Variants in CDK8 observed in about 807,000 individuals in gnomAD.
CDK8 encodes cyclin dependent kinase 8.
In CDK8, 29 loss-of-function variants were observed where a neutral mutation model predicts 71.5. The observed-to-expected ratio is 0.41, with a 90% CI of 0.30 to 0.55. The LOEUF (loss-of-function observed/expected upper bound fraction) is 0.55, where lower values mean the gene tolerates loss of function less well. Among genes scored for constraint, CDK8 ranks in the 20% least tolerant of loss-of-function variants. The pLI, the probability that CDK8 is intolerant of heterozygous loss-of-function variation, is 0.37. For synonymous variants in CDK8, 161 were observed against 192.1 expected, an observed-to-expected ratio of 0.84 and a Z score of 1.34; for missense variants, 288 against 572.6, an observed-to-expected ratio of 0.50 and a Z score of 5.07.
chr13:26,344,935 A>G (rs1873400928), intron 2 of CDK8, among the ~76,000 whole-genome samples: 2 of 152,318 alleles, frequency 1.3e-5, no homozygotes, highest in South Asian at 2.1e-4. Context: ...AAACATAGCC[A>G]GTATTAGAGG....
intron 1 of CDK8, among the ~76,000 whole-genome samples, chr13:26,283,471 G>A (rs939243924): frequency 1.3e-4 from 20 of 152,028 alleles, no homozygotes; most frequent in African/African-American, 4.8e-4. Context: ...AGCTGGGCGT[G>A]GTGGCACGTG....
chr13:26,298,699 A>G (rs1021235989), intron 1 of CDK8, among the ~76,000 whole-genome samples: 1 of 152,168 alleles, frequency 6.6e-6, no homozygotes, highest in African/African-American at 2.4e-5. Flanking sequence ...TGGCACTCAG[A>G]GAGACCTTGA....
Position 26,284,560 on chromosome 13 carries a change from A to G in CDK8, c.128+29791A>G, listed in dbSNP as rs557576889. 4.6e-5 allele frequency among the ~76,000 whole-genome samples: 7 copies of G among 152,280 alleles called. No individual in the cohort carries two copies. In the South Asian group the frequency reaches 1.4e-3, roughly 32 times the overall value. ...TCCTGGAAATATACTACCCTACTAG[A>G]TTAAATTGGAAGAAATAGAAACTCT... On this transcript the variant is annotated intron_variant, in intron 1 of 12. Transcript: ENST00000381527.
intron 1 of CDK8, among the ~76,000 whole-genome samples, chr13:26,328,427 CT>C (rs758417382): frequency 6.6e-6 from 1 of 152,158 alleles, no homozygotes; most frequent in African/African-American, 2.4e-5. Context: ...GAATATTTTC[CT>C]ATCTTTGCAA....
chr13:26,271,296 T>G (rs1163531751), intron 1 of CDK8, among the ~76,000 whole-genome samples: 1 of 152,160 alleles, frequency 6.6e-6, no homozygotes, highest in Non-Finnish European at 1.5e-5. Flanking sequence ...TTAGGCAAGT[T>G]TATGATTGTG....
intron 1 of CDK8, among the ~76,000 whole-genome samples, chr13:26,272,013 AT>A (rs1301181516): frequency 6.6e-6 from 1 of 151,562 alleles, no homozygotes; most frequent in Non-Finnish European, 1.5e-5. Context: ...GCTACCCTAA[AT>A]TTATTTAAAT....
At chr13:26,330,571 T>A (rs891793209) in intron 1 of CDK8, among the ~76,000 whole-genome samples, 5 of 152,188 alleles carry the variant, frequency 3.3e-5, no homozygotes, top group African/African-American at 1.2e-4. Flanking sequence ...CCCTTTTGCC[T>A]CCCACTTAAC....
At chr13:26,311,586 G>A (rs989318743) in intron 1 of CDK8, among the ~76,000 whole-genome samples, 2 of 152,094 alleles carry the variant, frequency 1.3e-5, no homozygotes, top group Non-Finnish European at 2.9e-5. Flanking sequence ...GTTATCCTTA[G>A]CATGAACTTA....
At chr13:26,354,509 G>A (rs1047651939) in intron 4 of CDK8, among the ~76,000 whole-genome samples, 1 of 152,180 alleles carries the variant, frequency 6.6e-6, no homozygotes, top group African/African-American at 2.4e-5. Flanking sequence ...CCACAGACCA[G>A]TCCATGGCTC....
intron 4 of CDK8, among the ~76,000 whole-genome samples, chr13:26,367,343 G>A (rs1157669678): frequency 6.6e-6 from 1 of 152,048 alleles, no homozygotes; most frequent in African/African-American, 2.4e-5. Context: ...GTTGCACATG[G>A]TAGGAAGCGA....
At chr13:26,392,325 T>C (rs921780352) in intron 6 of CDK8, among the ~76,000 whole-genome samples, 5 of 27,868 alleles carry the variant, frequency 1.8e-4, no homozygotes, top group Admixed American at 3.6e-4. Flanking sequence ...TTTATAACCC[T>C]TTTTTTTTTT....
intron 1 of CDK8, among the ~76,000 whole-genome samples, chr13:26,263,983 G>A (rs1218711948): frequency 6.6e-6 from 1 of 151,750 alleles, no homozygotes; most frequent in African/African-American, 2.4e-5. Flanking sequence ...TCCTGACCTC[G>A]TGATCCGCCC....
chr13:26,397,101 G>T, intron 8 of CDK8, 52 bp from the exon 9 acceptor site: 1 of 1,020,180 alleles, frequency 9.8e-7, no homozygotes, highest in Admixed American at 1.8e-5. Flanking sequence ...TTTAGCCAAT[G>T]TACAATTAAC....
chr13:26,363,672 A>G (rs377043879), intron 4 of CDK8, among the ~76,000 whole-genome samples: 2 of 152,028 alleles, frequency 1.3e-5, no homozygotes, highest in East Asian at 3.9e-4. Context: ...GCCCAGCCTG[A>G]TTTATTATTA....
At position 26,401,729 on chromosome 13, in the gene CDK8, C is replaced by A; in HGVS notation, c.1269+105C>A. 1 of 1,109,102 alleles carries A rather than the reference C, an allele frequency of 9.0e-7. No individual in the cohort carries two copies. The highest frequency in any genetic ancestry group is 1.3e-6 in the Non-Finnish European group (1 of 750,548). 68.7% of individuals were successfully genotyped at this position (1,109,102 alleles called of 1,614,324 possible). On this transcript the variant is annotated intron_variant, in intron 12 of 12. Transcript: ENST00000381527. This position sits in a 1 kb window ranked among gnomAD's most constrained non-coding sequence, Gnocchi z 4.5. ...TGAGAAATACTGACGTCTGTATACC[C>A]AGGGAAATACATTAACATGAAATGT...
At chr13:26,352,379 C>A (rs1437511891) in intron 3 of CDK8, among the ~76,000 whole-genome samples, 2 of 152,074 alleles carry the variant, frequency 1.3e-5, no homozygotes, top group African/African-American at 4.8e-5. Context: ...CCACTCCCGG[C>A]TAATTTTTTG....
chr13:26,386,905 A>G (rs55721205), intron 6 of CDK8, among the ~76,000 whole-genome samples: 9,173 of 152,220 alleles, frequency 0.06, 931 homozygotes, highest in African/African-American at 0.21. Flanking sequence ...TCACAGTGAT[A>G]TGCTGACCAC....
At chr13:26,391,241 C>T (rs1376670320) in intron 6 of CDK8, among the ~76,000 whole-genome samples, 1 of 151,898 alleles carries the variant, frequency 6.6e-6, no homozygotes, top group East Asian at 1.9e-4. Flanking sequence ...TTCCTGTTGA[C>T]TGGACTTTTT....
chr13:26,348,327 G>A (rs564808324), intron 2 of CDK8, among the ~76,000 whole-genome samples: 2 of 152,078 alleles, frequency 1.3e-5, no homozygotes, highest in African/African-American at 2.4e-5. Flanking sequence ...GCACCGGTAC[G>A]TTAGGAATTG....
Sources: allele counts gnomAD v4.1 joint callset (sites outside exome capture counted in the v4.1 genomes callset), GRCh38; gene constraint gnomAD v4.1.1; non-coding constraint Gnocchi (gnomAD v3.1); transcripts MANE v1.5; gene names NCBI Gene and HGNC (gene_info 2026-07-23, HGNC 2026-07-21).